FSIP2: variants seen among roughly 807,000 people sequenced by gnomAD.
FSIP2 encodes the protein fibrous sheath-interacting protein 2.
A neutral mutation model predicts 510.5 loss-of-function variants in FSIP2; 367 were observed. The observed-to-expected ratio is 0.72, with a 90% CI of 0.66 to 0.78. The LOEUF is 0.78. FSIP2 is among the 30% of genes least tolerant of loss of function. The pLI, the probability that FSIP2 is intolerant of heterozygous loss-of-function variation, is 0.00. For missense variants in FSIP2, 7,594 were observed against 7,901.7 expected (o/e 0.96, Z 1.48); for synonymous variants, 2,601 against 2,732.2 (o/e 0.95, Z 1.50).
intron 1 of FSIP2, 125 bp from the exon 2 acceptor site, chr2:185,739,221 C>T (rs982582534): frequency 1.1e-5 from 13 of 1,202,560 alleles, no homozygotes; most frequent in Non-Finnish European, 1.5e-5. Context: ...GGGAGGACTT[C>T]AGGATGCCCC....
At chr2:185,765,534 T>G (rs930147442) in intron 13 of FSIP2, 28 of 152,086 alleles carry the variant, frequency 1.8e-4, no homozygotes, top group Admixed American at 1.3e-4. Flanking sequence ...CCATGCTGTT[T>G]TGGTTACTGT....
At position 185,745,414 on chromosome 2, in the gene FSIP2, A is replaced by C. The variant is rs1365985265; in HGVS notation, c.478-15A>C. 6.8e-7 allele frequency: 1 copy of C among 1,480,924 alleles called. No individual in the cohort carries two copies. The highest frequency in any genetic ancestry group is 2.0e-5 in the Admixed American group (1 of 49,862). 91.7% of individuals were successfully genotyped at this position (1,480,924 alleles called of 1,614,324 possible). ...AAAGCATTATATATATGTAATACAC[A>C]CATTTCTTAAATAGAGAATACTTGC... On this transcript the variant is annotated splice_polypyrimidine_tract_variant and intron_variant, in intron 4 of 22. Coordinates refer to ENST00000424728, the MANE Select transcript of FSIP2 (RefSeq NM_173651.4).
chr2:185,758,835 T>C (rs550616359), intron 9 of FSIP2, among the ~76,000 whole-genome samples: 1 of 151,472 alleles, frequency 6.6e-6, no homozygotes, highest in Non-Finnish European at 1.5e-5. Flanking sequence ...TCTGTCTTTA[T>C]GCAAATACCT....
chr2:185,798,472 G>A (rs1693351874), intron 16 of FSIP2, among the ~76,000 whole-genome samples: 1 of 151,734 alleles, frequency 6.6e-6, no homozygotes, highest in Non-Finnish European at 1.5e-5. Context: ...GTTGATTATT[G>A]ACAATTAATA....
In FSIP2 at chr2:185,791,024, T is replaced by A; in HGVS notation, c.3888T>A (p.Ala1296=). The part of the protein sequence containing the change: ...SLRSQLSKYT[A]KIVNIVLCAI... ...GATCTCAACTTAGTAAGTACACAGC[T>A]AAAATAGTAAACATTGTTTTATGTG... is the stretch of plus-strand genomic sequence containing the variant. Residue 1296 remains alanine, a synonymous_variant, in exon 16 of 23, where the codon GCT becomes GCA. Coordinates refer to ENST00000424728, the MANE Select transcript of FSIP2 (RefSeq NM_173651.4). 2 of 1,531,668 alleles carry A rather than the reference T, an allele frequency of 1.3e-6. No individual in the cohort carries two copies. Among genetic ancestry groups the A allele is most frequent in the Non-Finnish European group, 1.7e-6 (2 of 1,144,286 alleles). 94.9% of individuals were successfully genotyped at this position (1,531,668 alleles called of 1,614,324 possible). A position where few individuals can be genotyped will look rare whatever the true frequency, so the allele number is the denominator to read the frequency against.
intron 7 of FSIP2, among the ~76,000 whole-genome samples, chr2:185,747,890 C>T (rs2105535626): frequency 6.6e-6 from 1 of 152,064 alleles, no homozygotes; most frequent in Admixed American, 6.6e-5. Flanking sequence ...CATACACCCC[C>T]CAACAATGTT....
intron 13 of FSIP2, 159 bp downstream of exon 13, chr2:185,764,724 G>A (rs1291593202): frequency 3.5e-6 from 2 of 566,724 alleles, no homozygotes; most frequent in Admixed American, 3.1e-5. Flanking sequence ...AGTATACTTG[G>A]AAAGATAGTC....
intron 13 of FSIP2, among the ~76,000 whole-genome samples, chr2:185,769,216 T>A (rs1170986747): frequency 6.6e-6 from 1 of 152,168 alleles, no homozygotes; most frequent in African/African-American, 2.4e-5. Context: ...ATCACACGAC[T>A]TTCCACAGTG....
At chr2:185,817,115 C>G (rs780140714) in intron 19 of FSIP2, among the ~76,000 whole-genome samples, 1 of 151,990 alleles carries the variant, frequency 6.6e-6, no homozygotes, top group African/African-American at 2.4e-5. Context: ...CCAACTTCCT[C>G]CCAGCATAGT....
Position 185,790,620 on chromosome 2 carries a change from G to A in FSIP2, c.3484G>A (p.Glu1162Lys). Reference protein sequence around the residue: ...EWIDQMFSVSEISTVAQEITD... With the variant: ...EWIDQMFSVSKISTVAQEITD... ...GATAGACCAGATGTTTTCTGTTTCA[G>A]AAATCAGTACAGTGGCTCAAGAAAT... The change falls in exon 16 of 23, where the codon GAA becomes AAA. Residue 1162 changes from glutamate (E) to lysine (K), a missense_variant. Transcript: ENST00000424728. 6.5e-7 allele frequency: 1 copy of A among 1,534,070 alleles called. No homozygotes were observed. Among genetic ancestry groups the A allele is most frequent in the Non-Finnish European group, 8.7e-7 (1 of 1,145,516 alleles).
In FSIP2 at chr2:185,753,853, G is replaced by C; in HGVS notation, c.991+11G>C. The C allele has an allele frequency of 6.9e-7, 1 of 1,441,020 alleles. No individual in the cohort carries two copies. Among genetic ancestry groups the C allele is most frequent in the Non-Finnish European group, 9.1e-7 (1 of 1,101,844 alleles). The allele number at this position is 1,441,020 out of a possible 1,614,324, so 89.3% of individuals were successfully genotyped here. On this transcript the variant is annotated intron_variant, in intron 8 of 22. Transcript: ENST00000424728. ...AAGATGGAACACATGGTGAATGTGA[G>C]AACATTAAAAGATGATGTAGCTAAG...
intron 7 of FSIP2, among the ~76,000 whole-genome samples, chr2:185,751,461 C>CTGTGTGTGTGTG (rs56395901): frequency 0.012 from 1,564 of 135,838 alleles, 19 homozygotes; most frequent in East Asian, 0.024. Flanking sequence ...CTTTATTTTT[C>CTGTGTGTGTGTG]TGTGTGTGTG....
Position 185,795,992 on chromosome 2 carries a change from T to C in FSIP2, c.8856T>C (p.Ile2952=). Residue 2952 remains isoleucine (I), a synonymous_variant, in exon 16 of 23, where the codon ATT becomes ATC. Transcript: ENST00000424728. ...EETLSNSKEH[I]TAKSKYGFPN... ...CTCTATCAAACAGTAAAGAACACAT[T>C]ACTGCTAAAAGTAAATATGGTTTTC... The C allele has an allele frequency of 6.5e-7, 1 of 1,534,534 alleles. No individual in the cohort carries two copies. Among genetic ancestry groups the C allele is most frequent in the Non-Finnish European group, 8.7e-7 (1 of 1,145,986 alleles).
At chr2:185,786,044 G>A (rs544597317) in intron 14 of FSIP2, among the ~76,000 whole-genome samples, 4 of 151,888 alleles carry the variant, frequency 2.6e-5, no homozygotes, top group African/African-American at 9.6e-5. Flanking sequence ...TGTACCCCTG[G>A]GTAATAAAGC....
intron 17 of FSIP2, among the ~76,000 whole-genome samples, chr2:185,812,104 A>G (rs1388232445): frequency 1.3e-5 from 2 of 152,102 alleles, no homozygotes; most frequent in East Asian, 3.9e-4. Flanking sequence ...TCAGAATGGT[A>G]GATCCACTTG....
At chr2:185,780,066 C>CCAT (rs1692812463) in intron 13 of FSIP2, among the ~76,000 whole-genome samples, 1 of 148,034 alleles carries the variant, frequency 6.8e-6, no homozygotes, top group African/African-American at 2.5e-5. Context: ...GAGCAACACT[C>CCAT]CATCTCAAAA....
chr2:185,813,733 G>C lies in FSIP2; in HGVS notation c.20016G>C (p.Gln6672His). The C allele has an allele frequency of 1.2e-6, 2 of 1,612,210 alleles. No homozygotes were observed. The highest frequency in any genetic ancestry group is 1.7e-6 in the Non-Finnish European group (2 of 1,179,122). The change falls in exon 18 of 23, where the codon CAG (glutamine) becomes CAC (histidine). Residue 6672 changes from glutamine (Q) to histidine (H), a missense_variant. Physicochemically the swap from Gln to His is conservative, Grantham distance 24. Coordinates refer to ENST00000424728, the MANE Select transcript of FSIP2 (RefSeq NM_173651.4). Reference sequence around the variant, plus strand: ...ATGAAGATGAAGTTGTTTTAACACAGACTTTTGCAAAAGAAGAAGGCATCA... The same window carrying C: ...ATGAAGATGAAGTTGTTTTAACACACACTTTTGCAAAAGAAGAAGGCATCA... Reference protein sequence around the residue: ...DSDEDEVVLTQTFAKEEGIKV... With the variant: ...DSDEDEVVLTHTFAKEEGIKV...
At position 185,786,258 on chromosome 2, in the gene FSIP2, G is replaced by T. The variant is rs1050900207; in HGVS notation, c.1476G>T (p.Gln492His). The T allele has an allele frequency of 5.3e-6, 8 of 1,522,608 alleles. No homozygotes were observed. The African/African-American group carries it at 1.1e-4, about 21-fold the overall frequency. The allele number at this position is 1,522,608 out of a possible 1,614,324, so 94.3% of individuals were successfully genotyped here. A position where few individuals can be genotyped will look rare whatever the true frequency, so the allele number is the denominator to read the frequency against. The change falls in exon 15 of 23, where the codon CAG becomes CAT. Residue 492 changes from glutamine (Q) to histidine (H), a missense_variant. Gln to His is a conservative substitution (Grantham distance 24). Coordinates refer to ENST00000424728, the MANE Select transcript of FSIP2 (RefSeq NM_173651.4). ...GATCAACCTTTCTTTACAGGCAACA[G>T]AACTTGCTGCAAAATTGCTTGCAAG... ...FSSPVYTNMQ[Q>H]NLLQNCLQEK...
rs1693789252 is a variant in FSIP2, at chr2:185,814,058, G to A, written c.20325+16G>A. ...CCAGTGTAAGGTAAGTGATAAGCAT[G>A]ACTGTTAGTGACTAGAAAGGGGAGA... On this transcript the variant is annotated intron_variant, in intron 18 of 22. Coordinates refer to ENST00000424728, the MANE Select transcript of FSIP2 (RefSeq NM_173651.4). The A allele has an allele frequency of 6.3e-7, 1 of 1,587,812 alleles. No homozygotes were observed. Among genetic ancestry groups the A allele is most frequent in the African/African-American group, 1.3e-5 (1 of 74,094 alleles).
Sources: allele counts gnomAD v4.1 joint callset (sites outside exome capture counted in the v4.1 genomes callset), GRCh38; gene constraint gnomAD v4.1.1; transcripts MANE v1.5; gene names NCBI Gene and HGNC (gene_info 2026-07-23, HGNC 2026-07-21).